The following FHIP1B variants were observed in gnomAD, a reference collection of about 807,000 sequenced individuals.
FHIP1B encodes FHF complex subunit HOOK-interacting protein 1B.
FHIP1B carries 28 observed loss-of-function variants against 82.2 expected under a neutral mutation model. The observed-to-expected ratio is 0.34, with a 90% CI of 0.25 to 0.47. The LOEUF (loss-of-function observed/expected upper bound fraction) is 0.47, where lower values mean the gene tolerates loss of function less well. Among genes scored for constraint, FHIP1B ranks in the 20% least tolerant of loss-of-function variants. The probability of loss-of-function intolerance (pLI) is 1.00; values close to 1 mark genes in which losing one functional copy is unlikely to be tolerated. For missense variants in FHIP1B, 1,110 were observed against 1,262.6 expected (o/e 0.88, Z 1.83); for synonymous variants, 585 against 516.1 (o/e 1.13, Z -1.81).
chr11:6,219,111 C>T, intron 6 of FHIP1B, 61 bp from the exon 7 acceptor site: 1 of 1,393,210 alleles, frequency 7.2e-7, no homozygotes, highest in Non-Finnish European at 1.0e-6. Flanking sequence ...CCAAGCCATT[C>T]ACCAAACGGG....
At position 6,223,948 on chromosome 11, in the gene FHIP1B, G is replaced by T. The variant is rs370295056; in HGVS notation, c.439C>A (p.Arg147=). 6.2e-7 allele frequency: 1 copy of T among 1,614,182 alleles called. No individual in the cohort carries two copies. Among genetic ancestry groups the T allele is most frequent in the Non-Finnish European group, 8.5e-7 (1 of 1,180,032 alleles). The change falls in exon 3 of 12, where the codon CGG becomes AGG. Residue 147 remains arginine, a synonymous_variant. Coordinates refer to ENST00000449352, the MANE Select transcript of FHIP1B (RefSeq NM_001098794.2). This position sits in a 1 kb window ranked among gnomAD's most constrained non-coding sequence, Gnocchi z 4.8. ...AGAGCCTCACGAACTGGACCATGCC[G>T]CAACAGTGGCTGGCGAGCTTCGCTC... ...LVSEARQPLL[R]HGPVREALLT... is the part of the protein sequence containing the mutation.
intron 1 of FHIP1B, among the ~76,000 whole-genome samples, chr11:6,233,652 C>T (rs895317009): frequency 2.0e-5 from 3 of 152,062 alleles, no homozygotes; most frequent in Non-Finnish European, 4.4e-5. Flanking sequence ...GTTTGGGATC[C>T]TAAATATAGT....
chr11:6,222,841 C>T lies in FHIP1B; in HGVS notation c.993G>A (p.Leu331=). The T allele has an allele frequency of 6.2e-7, 1 of 1,614,122 alleles. No homozygotes were observed. Among genetic ancestry groups the T allele is most frequent in the Non-Finnish European group, 8.5e-7 (1 of 1,180,012 alleles). ...QLVDYIHNGF[L]VPVMGPALHK... is the part of the protein sequence containing the mutation. Reference sequence around the variant, plus strand: ...GCAAGGCAGGACCCATGACAGGCACCAGGAACCCATTATGGATATAATCAA... The same window carrying T: ...GCAAGGCAGGACCCATGACAGGCACTAGGAACCCATTATGGATATAATCAA... Residue 331 remains leucine, a synonymous_variant, in exon 5 of 12, where the codon CTG becomes CTA. Transcript: ENST00000449352.
intron 1 of FHIP1B, among the ~76,000 whole-genome samples, chr11:6,226,524 T>C (rs986845862): frequency 3.9e-5 from 6 of 152,212 alleles, no homozygotes; most frequent in Non-Finnish European, 8.8e-5. Context: ...AGAGTTAATA[T>C]TGAACTTAGA....
chr11:6,211,620 G>C lies in FHIP1B; in HGVS notation c.2805C>G (p.Leu935=), dbSNP rs540613056. 6.2e-6 allele frequency: 10 copies of C among 1,614,234 alleles called. No homozygotes were observed. Among genetic ancestry groups the C allele is most frequent in the Middle Eastern group, 3.3e-4 (2 of 6,062 alleles). ...VYCAVIFPEF[L]KELAAISQAH... ...CCTGGGAGATGGCAGCCAACTCCTTGAGAAATTCAGGGAAAATGACTGCAC... is the reference window on the plus strand; with the variant it reads ...CCTGGGAGATGGCAGCCAACTCCTTCAGAAATTCAGGGAAAATGACTGCAC... The change falls in exon 12 of 12, where the codon CTC becomes CTG. Residue 935 remains leucine (L), a synonymous_variant. Transcript: ENST00000449352.
chr11:6,211,516 AGG>A lies in FHIP1B; in HGVS notation c.2907_2908del (p.Leu970GlnfsTer41). ...GTCCATGGAAGAAAGTTAAGGATTGAGGGGCCCACAGCCTGAGATGAGAGGGC... is the reference window on the plus strand; with the variant it reads ...GTCCATGGAAGAAAGTTAAGGATTGAGGCCCACAGCCTGAGATGAGAGGGC... On this transcript the variant is annotated frameshift_variant, in exon 12 of 12. Transcript: ENST00000449352. LOFTEE classifies it high-confidence loss of function. 1 of 1,595,554 alleles carries A rather than the reference AGG, an allele frequency of 6.3e-7. No homozygotes were observed. Among genetic ancestry groups the A allele is most frequent in the Non-Finnish European group, 8.5e-7 (1 of 1,172,376 alleles).
chr11:6,217,295 T>C, intron 9 of FHIP1B, 76 bp downstream of exon 9: 1 of 1,386,108 alleles, frequency 7.2e-7, no homozygotes, highest in Non-Finnish European at 1.0e-6. Flanking sequence ...GGCCAAGAGG[T>C]CCAAGAAACC....
intron 5 of FHIP1B, 75 bp from the exon 6 acceptor site, chr11:6,222,684 A>G (rs2133819472): frequency 6.3e-7 from 1 of 1,577,832 alleles, no homozygotes; most frequent in Non-Finnish European, 8.7e-7. Context: ...CTGGATTCTA[A>G]GAGAAATCAG....
At chr11:6,231,850 T>C (rs1847708295) in intron 1 of FHIP1B, among the ~76,000 whole-genome samples, 3 of 152,234 alleles carry the variant, frequency 2.0e-5, no homozygotes, top group Non-Finnish European at 4.4e-5. Context: ...AAATTGAAAT[T>C]ATGTTTTCAT....
rs1465093799 is a variant in FHIP1B, at chr11:6,223,625, G to C, written c.762C>G (p.His254Gln). 2 of 1,595,018 alleles carry C rather than the reference G, an allele frequency of 1.3e-6. No homozygotes were observed. Among genetic ancestry groups the C allele is most frequent in the South Asian group, 2.3e-5 (2 of 87,878 alleles). ...SPTVGRYIAD[H>Q]SYFCPVLATG... ...GGGTGCTAACCGGGCAGAAGTAAGA[G>C]TGATCCGCGATGTAGCGGCCCACAG... is the stretch of plus-strand genomic sequence containing the variant. Residue 254 changes from histidine (H) to glutamine (Q), a missense_variant, in exon 3 of 12, where the codon CAC (histidine) becomes CAG (glutamine). By Grantham distance (24) the His-to-Gln change is conservative (BLOSUM62 0). Around this residue, in one of 6 missense-constraint regions of FHIP1B, gnomAD observed 467 missense variants for 602.9 expected, o/e 0.77. Transcript: ENST00000449352. The surrounding 1 kb of genome is among the most constrained non-coding windows in gnomAD (Gnocchi z 4.8).
chr11:6,212,679 A>G (rs1847105953), intron 11 of FHIP1B, among the ~76,000 whole-genome samples: 1 of 152,226 alleles, frequency 6.6e-6, no homozygotes, highest in African/African-American at 2.4e-5. Flanking sequence ...GATCATAATA[A>G]CAATTCCCAT....
Position 6,224,557 on chromosome 11 carries a change from C to A in FHIP1B, c.-41G>T, listed in dbSNP as rs1289536192. 1.3e-6 allele frequency: 2 copies of A among 1,554,960 alleles called. No homozygotes were observed. The highest frequency in any genetic ancestry group is 1.7e-6 in the Non-Finnish European group (2 of 1,155,616). ...GGACTGGCAGCCAGAGGCCTACACTCTGAGGATTTGCCAGCTGGAGGTTTT... is the reference window on the plus strand; with the variant it reads ...GGACTGGCAGCCAGAGGCCTACACTATGAGGATTTGCCAGCTGGAGGTTTT... On this transcript the variant is annotated 5_prime_UTR_variant, in exon 2 of 12. Transcript: ENST00000449352.
At chr11:6,225,621 C>T (rs1325247398) in intron 1 of FHIP1B, among the ~76,000 whole-genome samples, 1 of 152,152 alleles carries the variant, frequency 6.6e-6, no homozygotes, top group Non-Finnish European at 1.5e-5. Context: ...CGTATTAATG[C>T]TGAAGCAAAT....
chr11:6,225,710 T>C (rs550968234), intron 1 of FHIP1B, among the ~76,000 whole-genome samples: 105 of 152,344 alleles, frequency 6.9e-4, no homozygotes, highest in African/African-American at 2.4e-3. Context: ...CTGGGACTAC[T>C]GAAGAAGAAA....
At position 6,224,404 on chromosome 11, in the gene FHIP1B, A is replaced by G. The variant is rs1847506504; in HGVS notation, c.113T>C (p.Met38Thr). Residue 38 changes from methionine (M) to threonine (T), a missense_variant, in exon 2 of 12, where the codon ATG becomes ACG. Coordinates refer to ENST00000449352, the MANE Select transcript of FHIP1B (RefSeq NM_001098794.2). The stretch of plus-strand genomic sequence containing the variant: ...CTGGGACCAGTGATTCTTGAAGACC[A>G]TGAGGCAGGTCTCGGGATCAGCCAT... ...PVMADPETCL[M>T]VFKNHWSQVV... The G allele has an allele frequency of 1.2e-6, 2 of 1,614,090 alleles. No individual in the cohort carries two copies. The highest frequency in any genetic ancestry group is 2.2e-5 in the South Asian group (2 of 91,092).
At chr11:6,222,695 G>C in intron 5 of FHIP1B, 86 bp from the exon 6 acceptor site, 2 of 1,569,634 alleles carry the variant, frequency 1.3e-6, no homozygotes, top group Non-Finnish European at 8.8e-7. Context: ...GAGAAATCAG[G>C]AGCAGACAGG....
Position 6,227,284 on chromosome 11 carries a change from T to C in FHIP1B, c.-191-2577A>G, listed in dbSNP as rs114268365. The stretch of plus-strand genomic sequence containing the variant: ...TAAGTATTATTATCCACATTTTACA[T>C]AGGAGGAAATCAAGGCCCAGAGAGG... On this transcript the variant is annotated intron_variant, in intron 1 of 11. Transcript: ENST00000449352. 2.3e-3 allele frequency among the ~76,000 whole-genome samples: 346 copies of C among 152,312 alleles called. 1 individual carries two copies. The highest frequency in any genetic ancestry group is 6.7e-3 in the African/African-American group (277 of 41,570).
rs1305070210 is a variant in FHIP1B at position 6,222,663 on chromosome 11, G to T, written c.1024-54C>A. On this transcript the variant is annotated intron_variant, in intron 5 of 11. Transcript: ENST00000449352. ...ATGCACAGCTTCCCTGCACATACAG[G>T]GCCATTTTCCCTGGATTCTAAGAGA... is the stretch of plus-strand genomic sequence containing the variant. The T allele has an allele frequency of 3.1e-6, 5 of 1,596,280 alleles. No homozygotes were observed. The East Asian group carries it at 6.7e-5, about 21-fold the overall frequency.
chr11:6,221,976 G>T (rs2133816556), intron 6 of FHIP1B, among the ~76,000 whole-genome samples: 1 of 152,286 alleles, frequency 6.6e-6, no homozygotes, highest in East Asian at 1.9e-4. Flanking sequence ...TAGATAGGTG[G>T]GTGGATGAGT....
Sources: allele counts gnomAD v4.1 joint callset (sites outside exome capture counted in the v4.1 genomes callset), GRCh38; gene constraint gnomAD v4.1.1; regional missense constraint gnomAD v4.1.1; non-coding constraint Gnocchi (gnomAD v3.1); transcripts MANE v1.5; gene names NCBI Gene and HGNC (gene_info 2026-07-23, HGNC 2026-07-21).